Variants in DNAJC2 observed in about 807,000 individuals in gnomAD.
DNAJC2 encodes dnaJ homolog subfamily C member 2.
DNAJC2 carries 32 observed loss-of-function variants against 94.0 expected under a neutral mutation model. That is an observed-to-expected ratio of 0.34 (90% CI 0.26 to 0.46). The LOEUF (loss-of-function observed/expected upper bound fraction) is 0.46. Ranked by LOEUF, DNAJC2 falls within the 20% of genes least tolerant of loss-of-function variation. DNAJC2 has a pLI of 1.00. For missense variants in DNAJC2, 550 were observed against 719.5 expected (o/e 0.76, Z 2.69); for synonymous variants, 210 against 229.7 (o/e 0.91, Z 0.77).
Position 103,324,719 on chromosome 7 carries a change from C to T in DNAJC2, c.573-157G>A, listed in dbSNP as rs547210710. 55 of 688,196 alleles carry T rather than the reference C, an allele frequency of 8.0e-5. No homozygotes were observed. In the African/African-American group the frequency reaches 9.9e-4, roughly 12 times the overall value. The allele number at this position is 688,196 out of a possible 1,614,324, so 42.6% of individuals were successfully genotyped here. A position where few individuals can be genotyped will look rare whatever the true frequency, so the allele number is the denominator to read the frequency against. ...CTCGAAGATGGAGCTGGAAGGTCAG[C>T]AGTGGGGCATGAAACAATGCAGGTG... is the stretch of plus-strand genomic sequence containing the variant. On this transcript the variant is annotated intron_variant, in intron 5 of 16. Transcript: ENST00000379263.
chr7:103,315,114 T>C (rs1030132147), intron 15 of DNAJC2, among the ~76,000 whole-genome samples: 1 of 151,962 alleles, frequency 6.6e-6, no homozygotes, highest in African/African-American at 2.4e-5. Context: ...ATTTGTAACA[T>C]GAAAAGCATT....
Position 103,317,028 on chromosome 7 carries a change from A to G in DNAJC2, c.1243-14T>C, listed in dbSNP as rs76367182. 4.9e-3 allele frequency: 7,962 copies of G among 1,608,886 alleles called. 325 individuals carry two copies. The African/African-American group carries it at 0.089, about 18-fold the overall frequency. ...TATTTCTTCTATCTGCACAAATATC[A>G]TAAGTCAGGGACTTAGAAGTATACT... On this transcript the variant is annotated splice_polypyrimidine_tract_variant and intron_variant, in intron 12 of 16. Coordinates refer to ENST00000379263, the MANE Select transcript of DNAJC2 (RefSeq NM_014377.3).
chr7:103,313,329 A>G (rs1307260970), intron 15 of DNAJC2: 1 of 1,284,246 alleles, frequency 7.8e-7, no homozygotes, highest in Admixed American at 3.8e-5. Flanking sequence ...TTAAAACACA[A>G]TAGTAAAGAT....
In DNAJC2 at chr7:103,326,581, G is replaced by A; in HGVS notation, c.534C>T (p.Phe178=). 1 of 1,613,910 alleles carries A rather than the reference G, an allele frequency of 6.2e-7. No homozygotes were observed. The highest frequency in any genetic ancestry group is 8.5e-7 in the Non-Finnish European group (1 of 1,179,950). ...VPSKSEAKDN[F]FEVFTPVFER... ...CAAACACTGGGGTAAACACTTCGAAGAAATTATCCTTTGCTTCACTTTTAG... is the reference window on the plus strand; with the variant it reads ...CAAACACTGGGGTAAACACTTCGAAAAAATTATCCTTTGCTTCACTTTTAG... Residue 178 remains phenylalanine, a synonymous_variant, in exon 5 of 17, where the codon TTC becomes TTT. Coordinates refer to ENST00000379263, the MANE Select transcript of DNAJC2 (RefSeq NM_014377.3).
rs149222238 is a variant in DNAJC2, at chr7:103,336,765, C to A, written c.331+971G>T. ...TGCATTACCATATGCTTTGTCTAGA[C>A]TCATGCCAGCCTTTAAACAAATCCA... On this transcript the variant is annotated intron_variant, in intron 3 of 16. Coordinates refer to ENST00000379263, the MANE Select transcript of DNAJC2 (RefSeq NM_014377.3). The A allele has an allele frequency of 3.8e-3, 572 of 152,352 alleles. 4 individuals are homozygous for A. Among genetic ancestry groups the A allele is most frequent in the African/African-American group, 0.014 (563 of 41,572 alleles). The allele number at this position is 152,352 out of a possible 1,614,324, so 9.4% of individuals were successfully genotyped here.
chr7:103,316,440 C>T (rs1226377050), intron 13 of DNAJC2: 3 of 217,498 alleles, frequency 1.4e-5, no homozygotes, highest in Middle Eastern at 1.8e-3. Context: ...GAATTAGGGA[C>T]GCTGGATCTC....
chr7:103,314,357 T>C, intron 15 of DNAJC2: 3 of 985,364 alleles, frequency 3.0e-6, no homozygotes, highest in Non-Finnish European at 3.6e-6. Context: ...TGTTTAATGG[T>C]ACAACTGAAG....
chr7:103,329,104 ATCCTT>A, intron 3 of DNAJC2: 1 of 608,258 alleles, frequency 1.6e-6, no homozygotes, highest in South Asian at 1.9e-5. Context: ...TTTGTTTTTC[ATCCTT>A]TAACTGGAAA....
chr7:103,330,144 A>C (rs762680726), intron 3 of DNAJC2, among the ~76,000 whole-genome samples: 19 of 152,212 alleles, frequency 1.2e-4, no homozygotes, highest in Non-Finnish European at 1.8e-4. Flanking sequence ...TTCACTACCT[A>C]CTCAGGAAAT....
chr7:103,314,525 C>T (rs941744902), intron 15 of DNAJC2: 51 of 985,262 alleles, frequency 5.2e-5, no homozygotes, highest in Admixed American at 6.2e-5. Context: ...AAACAAGTCC[C>T]CCTAAGAAAG....
chr7:103,317,969 TAAG>T, intron 12 of DNAJC2, among the ~76,000 whole-genome samples: 1 of 121,894 alleles, frequency 8.2e-6, no homozygotes, highest in African/African-American at 3.1e-5. Flanking sequence ...CTTAAATAAA[TAAG>T]ATTCTTGTAA....
chr7:103,325,489 A>G (rs1384059547), intron 5 of DNAJC2, among the ~76,000 whole-genome samples: 1 of 151,972 alleles, frequency 6.6e-6, no homozygotes, highest in East Asian at 1.9e-4. Context: ...TCCAAGGGAG[A>G]AAGGATGGCG....
chr7:103,319,305 T>G (rs1818248977), intron 12 of DNAJC2, among the ~76,000 whole-genome samples: 1 of 152,068 alleles, frequency 6.6e-6, no homozygotes, highest in South Asian at 2.1e-4. Flanking sequence ...GGTGTGGTGT[T>G]GTGCGCCTAT....
intron 3 of DNAJC2, among the ~76,000 whole-genome samples, chr7:103,331,549 T>C (rs1214228355): frequency 6.6e-6 from 1 of 152,192 alleles, no homozygotes; most frequent in Non-Finnish European, 1.5e-5. Context: ...TATCATTCTA[T>C]CTACTACCTC....
In DNAJC2 at chr7:103,341,807, T is replaced by C. The variant is rs755157321; in HGVS notation, c.212A>G (p.Glu71Gly). The change falls in exon 2 of 17, where the codon GAA (glutamate) becomes GGA (glycine). Residue 71 changes from glutamate (E) to glycine (G), a missense_variant. This residue lies in a region of DNAJC2 where 279 missense variants were observed against 416.9 expected (regional missense o/e 0.67). Coordinates refer to ENST00000379263, the MANE Select transcript of DNAJC2 (RefSeq NM_014377.3). ...EESEDEELQL[E>G]EFPMLKTLDP... ...AAGTGTTTTCAGCATGGGAAACTCT[T>C]CCAACTGCAATTCTTCATCTTCTGA... The C allele has an allele frequency of 1.2e-6, 2 of 1,607,592 alleles. No individual in the cohort carries two copies. Among genetic ancestry groups the C allele is most frequent in the Non-Finnish European group, 1.7e-6 (2 of 1,177,752 alleles).
At chr7:103,332,688 G>T (rs916309204) in intron 3 of DNAJC2, among the ~76,000 whole-genome samples, 1 of 151,848 alleles carries the variant, frequency 6.6e-6, no homozygotes, top group Admixed American at 6.6e-5. Context: ...GGAGTGCAGT[G>T]GTGTGATCAC....
chr7:103,321,787 G>T, intron 10 of DNAJC2, 145 bp downstream of exon 10: 1 of 832,008 alleles, frequency 1.2e-6, no homozygotes, highest in Non-Finnish European at 1.8e-6. Flanking sequence ...GGCGGAAATT[G>T]CGGTGAACTG....
chr7:103,319,584 T>C lies in DNAJC2; in HGVS notation c.1242+25A>G, dbSNP rs1230672632. 4 of 1,609,468 alleles carry C rather than the reference T, an allele frequency of 2.5e-6. No homozygotes were observed. The Admixed American group carries it at 6.7e-5, about 27-fold the overall frequency. On this transcript the variant is annotated intron_variant, in intron 12 of 16. Coordinates refer to ENST00000379263, the MANE Select transcript of DNAJC2 (RefSeq NM_014377.3). ...AGCAGAATTAAATGCTACATATAGG[T>C]AGGAGTGATGTGTTCCTCTATTACC...
chr7:103,326,507 C>T (rs140631819), intron 5 of DNAJC2, 36 bp downstream of exon 5: 1 of 1,609,478 alleles, frequency 6.2e-7, no homozygotes, highest in Non-Finnish European at 8.5e-7. Context: ...AACAAGCCAA[C>T]AGGGCACTAT....
Sources: allele counts gnomAD v4.1 joint callset (sites outside exome capture counted in the v4.1 genomes callset), GRCh38; gene constraint gnomAD v4.1.1; regional missense constraint gnomAD v4.1.1; transcripts MANE v1.5; gene names NCBI Gene and HGNC (gene_info 2026-07-23, HGNC 2026-07-21).